The following SGCZ variants were observed in gnomAD, a reference collection of about 807,000 sequenced individuals.
SGCZ encodes zeta-sarcoglycan.
SGCZ carries 40 observed loss-of-function variants against 41.3 expected under a neutral mutation model. The observed-to-expected ratio is 0.97, with a 90% confidence interval of 0.75 to 1.26. SGCZ has a LOEUF of 1.26. Ranked by LOEUF, SGCZ falls within the 50% of genes most tolerant of loss-of-function variation. SGCZ has a pLI of 0.00. For missense variants in SGCZ, 552 were observed against 369.8 expected (o/e 1.49, Z -4.04); for synonymous variants, 206 against 137.5 (o/e 1.50, Z -3.49).
chr8:15,102,708 T>A lies in SGCZ; in HGVS notation c.39+134877A>T, dbSNP rs969579800. Among the ~76,000 whole-genome samples, 5 of 152,188 alleles carry A rather than the reference T, an allele frequency of 3.3e-5. No homozygotes were observed. In the East Asian group the frequency reaches 7.7e-4, roughly 23 times the overall value. On this transcript the variant is annotated intron_variant, in intron 1 of 7. Coordinates refer to ENST00000382080, the MANE Select transcript of SGCZ (RefSeq NM_139167.4). ...TCCAAAATATTCTATTGTAAAAAAA[T>A]TATAAAATGTTTATATTGGTAAAAG...
chr8:14,128,343 A>G (rs1802928983), intron 5 of SGCZ, among the ~76,000 whole-genome samples: 1 of 152,342 alleles, frequency 6.6e-6, no homozygotes, highest in Non-Finnish European at 1.5e-5. Context: ...GCAAATTAAA[A>G]TCACAATGAG....
chr8:14,841,995 T>C (rs759469251), intron 1 of SGCZ, among the ~76,000 whole-genome samples: 21 of 152,196 alleles, frequency 1.4e-4, no homozygotes, highest in Admixed American at 2.0e-4. Flanking sequence ...GGTATAAGTA[T>C]GTGTGGACTT....
At chr8:15,061,390 G>A (rs1489179335) in intron 1 of SGCZ, among the ~76,000 whole-genome samples, 3 of 151,862 alleles carry the variant, frequency 2.0e-5, no homozygotes, top group Non-Finnish European at 2.9e-5. Context: ...TTGGGGGTGC[G>A]GGGCTAAGGA....
intron 2 of SGCZ, among the ~76,000 whole-genome samples, chr8:14,363,997 A>G (rs998228960): frequency 2.0e-5 from 3 of 152,072 alleles, no homozygotes; most frequent in Non-Finnish European, 4.4e-5. Flanking sequence ...ATTTTATGCA[A>G]TACTGTCAAC....
chr8:14,865,104 A>G, intron 1 of SGCZ, among the ~76,000 whole-genome samples: 1 of 152,110 alleles, frequency 6.6e-6, no homozygotes, highest in East Asian at 1.9e-4. Context: ...ATTATAAAAA[A>G]TGTGCAATAG....
intron 4 of SGCZ, among the ~76,000 whole-genome samples, chr8:14,189,892 A>G (rs996970866): frequency 2.0e-5 from 3 of 152,190 alleles, no homozygotes; most frequent in Admixed American, 6.5e-5. Flanking sequence ...CCTGTAAGAG[A>G]AGTTCAATAA....
At chr8:14,880,994 C>T (rs920720145) in intron 1 of SGCZ, among the ~76,000 whole-genome samples, 2 of 151,726 alleles carry the variant, frequency 1.3e-5, no homozygotes, top group African/African-American at 4.8e-5. Context: ...TTAGTAAGAG[C>T]CCAAAATACA....
intron 4 of SGCZ, among the ~76,000 whole-genome samples, chr8:14,188,926 G>C (rs1448075380): frequency 1.3e-5 from 2 of 150,186 alleles, no homozygotes; most frequent in Non-Finnish European, 3.0e-5. Context: ...CCATCACCCG[G>C]GTTCGAGCAA....
At chr8:14,930,820 G>A (rs1173440165) in intron 1 of SGCZ, among the ~76,000 whole-genome samples, 1 of 151,804 alleles carries the variant, frequency 6.6e-6, no homozygotes, top group Non-Finnish European at 1.5e-5. Context: ...CACACACCAG[G>A]GCTTGTCAGA....
At chr8:14,468,921 T>C (rs1011657790) in intron 2 of SGCZ, among the ~76,000 whole-genome samples, 1 of 152,126 alleles carries the variant, frequency 6.6e-6, no homozygotes, top group Non-Finnish European at 1.5e-5. Context: ...GCCTCATGTA[T>C]ACACTAACTT....
At chr8:14,230,688 A>G (rs1471758202) in intron 4 of SGCZ, among the ~76,000 whole-genome samples, 3 of 151,266 alleles carry the variant, frequency 2.0e-5, no homozygotes, top group Non-Finnish European at 4.4e-5. Context: ...GTGAAAATCT[A>G]TATATTCCTA....
chr8:15,141,065 C>G (rs952345902), intron 1 of SGCZ, among the ~76,000 whole-genome samples: 2 of 152,328 alleles, frequency 1.3e-5, no homozygotes, highest in Non-Finnish European at 2.9e-5. Flanking sequence ...TTCCCATGTT[C>G]CTTTTGCCCT....
chr8:14,361,477 T>C (rs915678996), intron 2 of SGCZ, among the ~76,000 whole-genome samples: 52 of 152,238 alleles, frequency 3.4e-4, no homozygotes, highest in African/African-American at 1.2e-3. Flanking sequence ...GAATCTGCTA[T>C]TGAAGCTTGT....
chr8:15,108,299 G>C (rs895985220), intron 1 of SGCZ, among the ~76,000 whole-genome samples: 9 of 152,124 alleles, frequency 5.9e-5, no homozygotes, highest in African/African-American at 2.2e-4. Context: ...CACTCAGAAA[G>C]TGATTAAATT....
At chr8:14,436,547 T>C (rs1277509280) in intron 2 of SGCZ, among the ~76,000 whole-genome samples, 2 of 152,104 alleles carry the variant, frequency 1.3e-5, no homozygotes, top group East Asian at 1.9e-4. Context: ...TTTACTTGAG[T>C]TGTCATTTGC....
intron 2 of SGCZ, among the ~76,000 whole-genome samples, chr8:14,324,781 G>A (rs1490699966): frequency 2.0e-5 from 3 of 152,032 alleles, no homozygotes; most frequent in African/African-American, 7.2e-5. Context: ...TCATGAGACA[G>A]AATAAAATTA....
intron 1 of SGCZ, among the ~76,000 whole-genome samples, chr8:14,619,690 A>C (rs543289896): frequency 4.6e-5 from 7 of 152,182 alleles, no homozygotes; most frequent in Admixed American, 1.3e-4. Flanking sequence ...TCCCATTCAC[A>C]ATTGCTTCAA....
chr8:14,320,600 C>CG, intron 3 of SGCZ, among the ~76,000 whole-genome samples: 1 of 151,978 alleles, frequency 6.6e-6, no homozygotes, highest in Non-Finnish European at 1.5e-5. Flanking sequence ...GAACCAAGAA[C>CG]TGGGTTAACA....
At chr8:15,147,505 T>C (rs928130037) in intron 1 of SGCZ, among the ~76,000 whole-genome samples, 3 of 152,198 alleles carry the variant, frequency 2.0e-5, no homozygotes, top group Admixed American at 6.5e-5. Flanking sequence ...CTCGAACTCC[T>C]GACCTCAGGT....
Sources: gnomAD v4.1 joint callset for allele counts (sites outside exome capture counted in the v4.1 genomes callset) on GRCh38, gnomAD v4.1.1 for gene constraint, MANE v1.5 for transcripts, NCBI Gene and HGNC (gene_info 2026-07-23, HGNC 2026-07-21) for gene names.